Variants in FAT3 observed in about 807,000 individuals in gnomAD.
FAT3 encodes the protein FAT atypical cadherin 3.
In FAT3, 95 loss-of-function variants were observed where a neutral mutation model predicts 310.2. The observed-to-expected ratio is 0.31, with a 90% confidence interval of 0.26 to 0.36. The LOEUF (loss-of-function observed/expected upper bound fraction) is 0.36, where lower values mean the gene tolerates loss of function less well. FAT3 is among the 10% of genes least tolerant of loss of function. FAT3 has a pLI of 1.00. For synonymous variants in FAT3, 2,314 were observed against 2,192.9 expected, an observed-to-expected ratio of 1.06 and a Z score of -1.54; for missense variants, 5,408 against 5,715.6, an observed-to-expected ratio of 0.95 and a Z score of 1.74.
intron 2 of FAT3, among the ~76,000 whole-genome samples, chr11:92,482,890 TGCTGTCAGCCAGCAGATTCCA>T (rs1332900107): frequency 1.3e-5 from 2 of 152,218 alleles, no homozygotes; most frequent in Non-Finnish European, 2.9e-5. Flanking sequence ...ATAACACCTT[TGCTGTCAGCCAGCAGATTCCA>T]GCTGACCAGC....
In FAT3 at chr11:92,883,321, C is replaced by T. The variant is rs2136417818; in HGVS notation, c.12865C>T (p.Leu4289Phe). ...GVVVCSVAPNLPAVSPCRSDC... is the reference protein window; with the variant it reads ...GVVVCSVAPNFPAVSPCRSDC... ...GGTCGTGTGCAGTGTGGCCCCCAAC[C>T]TCCCCGCCGTGTCACCCTGCCGCTC... is the stretch of plus-strand genomic sequence containing the variant. The change falls in exon 24 of 28, where the codon CTC becomes TTC. Residue 4289 changes from leucine to phenylalanine, a missense_variant. By Grantham distance (22) the Leu-to-Phe change is conservative. Transcript: ENST00000525166. This position sits in a 1 kb window ranked among gnomAD's most constrained non-coding sequence, Gnocchi z 4.2. 6.2e-7 allele frequency: 1 copy of T among 1,610,754 alleles called. No homozygotes were observed. Among genetic ancestry groups the T allele is most frequent in the Non-Finnish European group, 8.5e-7 (1 of 1,178,628 alleles).
chr11:92,545,931 T>G (rs892994557), intron 3 of FAT3, among the ~76,000 whole-genome samples: 1 of 152,210 alleles, frequency 6.6e-6, no homozygotes, highest in African/African-American at 2.4e-5. Flanking sequence ...GACTGGGCAT[T>G]TCTAAAATTA....
At chr11:92,847,227 A>G (rs1012281903) in intron 19 of FAT3, among the ~76,000 whole-genome samples, 2 of 152,332 alleles carry the variant, frequency 1.3e-5, no homozygotes, top group African/African-American at 4.8e-5. Flanking sequence ...TTATAATACC[A>G]TATTTTTATT....
intron 1 of FAT3, among the ~76,000 whole-genome samples, chr11:92,252,928 C>T (rs1865188403): frequency 6.6e-6 from 1 of 152,162 alleles, no homozygotes; most frequent in African/African-American, 2.4e-5. Context: ...CCATCCTCCC[C>T]TCCTGCCCTC....
At chr11:92,491,127 C>A (rs1021202382) in intron 2 of FAT3, among the ~76,000 whole-genome samples, 1 of 152,078 alleles carries the variant, frequency 6.6e-6, no homozygotes, top group African/African-American at 2.4e-5. Context: ...TAGGAAGGAC[C>A]TTTAATGATT....
rs561428689 is a variant in FAT3, at chr11:92,799,144, G to A, written c.6131G>A (p.Arg2044His). The A allele has an allele frequency of 3.0e-5, 49 of 1,613,922 alleles. No individual in the cohort carries two copies. Among genetic ancestry groups the A allele is most frequent in the South Asian group, 8.8e-5 (8 of 91,078 alleles). ...VIQTTGVPFD[R>H]EEQELYELVV... Reference sequence around the variant, plus strand: ...CAGACGACTGGAGTCCCCTTTGACCGTGAAGAACAAGAGTTATATGAGCTG... The same window carrying A: ...CAGACGACTGGAGTCCCCTTTGACCATGAAGAACAAGAGTTATATGAGCTG... Residue 2044 changes from arginine (R) to histidine (H), a missense_variant, in exon 10 of 28, where the codon CGT becomes CAT. Transcript: ENST00000525166.
intron 1 of FAT3, among the ~76,000 whole-genome samples, chr11:92,232,086 C>A (rs1030358955): frequency 6.6e-6 from 1 of 152,110 alleles, no homozygotes; most frequent in African/African-American, 2.4e-5. Context: ...TTATGTGATT[C>A]ATGTGGTACC....
At chr11:92,295,671 T>C (rs961553595) in intron 1 of FAT3, among the ~76,000 whole-genome samples, 8 of 152,120 alleles carry the variant, frequency 5.3e-5, no homozygotes, top group Non-Finnish European at 1.2e-4. Context: ...TGTTCTCTTC[T>C]TAAGGGAATG....
rs775101268 is a variant in FAT3, at chr11:92,765,126, T to C, written c.4195+37T>C. On this transcript the variant is annotated intron_variant, in intron 6 of 27. Transcript: ENST00000525166. ...TCTTACAGAGCAGTATCATGCAATG[T>C]AATAATTGACTGAAGCAACTAGGAA... 4.6e-5 allele frequency: 66 copies of C among 1,421,896 alleles called. 1 individual carries two copies. In the South Asian group the frequency reaches 9.3e-4, roughly 20 times the overall value. The allele number at this position is 1,421,896 out of a possible 1,614,324, so 88.1% of individuals were successfully genotyped here. A position where few individuals can be genotyped will look rare whatever the true frequency, so the allele number is the denominator to read the frequency against.
intron 2 of FAT3, among the ~76,000 whole-genome samples, chr11:92,441,302 T>C (rs1356628637): frequency 6.6e-6 from 1 of 152,220 alleles, no homozygotes; most frequent in Non-Finnish European, 1.5e-5. Context: ...CAGCAGGAAT[T>C]ATATCCATTT....
intron 2 of FAT3, among the ~76,000 whole-genome samples, chr11:92,409,374 A>T (rs1471237863): frequency 2.0e-5 from 3 of 152,142 alleles, no homozygotes. Flanking sequence ...AAAAGATGTC[A>T]TCCTGTGTCG....
intron 8 of FAT3, among the ~76,000 whole-genome samples, chr11:92,792,351 G>A (rs1302924594): frequency 2.0e-5 from 3 of 152,158 alleles, no homozygotes; most frequent in Admixed American, 1.3e-4. Context: ...GAGTGAAAAT[G>A]CCTACATTGT....
At chr11:92,757,451 A>G (rs11020048) in intron 4 of FAT3, among the ~76,000 whole-genome samples, 48,645 of 151,994 alleles carry the variant, frequency 0.32, 8,091 homozygotes, top group African/African-American at 0.34. Flanking sequence ...GAAATGATGC[A>G]GAAGAGGAGA....
intron 25 of FAT3, 53 bp from the exon 26 acceptor site, chr11:92,889,136 A>G (rs1449339509): frequency 2.9e-6 from 2 of 684,000 alleles, no homozygotes; most frequent in East Asian, 2.7e-5. Context: ...AAAATATACA[A>G]CTAACCTGAA....
At position 92,352,781 on chromosome 11, in the gene FAT3, A is replaced by C. The variant is rs760338846; in HGVS notation, c.669A>C (p.Glu223Asp). The C allele has an allele frequency of 2.5e-6, 4 of 1,613,762 alleles. No individual in the cohort carries two copies. Among genetic ancestry groups the C allele is most frequent in the Non-Finnish European group, 3.4e-6 (4 of 1,179,892 alleles). ...ISLSGRLNYD[E>D]KNRYDLEILA... ...TAAGTGGTCGATTAAATTATGATGA[A>C]AAGAATAGGTATGATCTGGAAATTT... is the stretch of plus-strand genomic sequence containing the variant. Residue 223 changes from glutamate to aspartate, a missense_variant, in exon 2 of 28, where the codon GAA (glutamate) becomes GAC (aspartate). Glu to Asp is a conservative substitution (Grantham distance 45). Coordinates refer to ENST00000525166, the MANE Select transcript of FAT3 (RefSeq NM_001367949.2).
chr11:92,798,810 G>A lies in FAT3; in HGVS notation c.5797G>A (p.Asp1933Asn), dbSNP rs369657649. 2.0e-5 allele frequency: 32 copies of A among 1,613,618 alleles called. No individual in the cohort carries two copies. In the African/African-American group the frequency reaches 3.5e-4, roughly 18 times the overall value. ...MEGSLDHFLI[D>N]SNSGVLTIKN... Reference sequence around the variant, plus strand: ...AGGCAGTTTGGATCATTTTTTAATTGACTCAAACAGTGGAGTACTTACCAT... The same window carrying A: ...AGGCAGTTTGGATCATTTTTTAATTAACTCAAACAGTGGAGTACTTACCAT... The change falls in exon 10 of 28, where the codon GAC becomes AAC. Residue 1933 changes from aspartate to asparagine, a missense_variant. This residue lies in a region of FAT3 where 4,588 missense variants were observed against 4,809.8 expected (regional missense o/e 0.95). Transcript: ENST00000525166.
intron 3 of FAT3, among the ~76,000 whole-genome samples, chr11:92,608,238 T>A (rs1178318413): frequency 6.6e-6 from 1 of 152,208 alleles, no homozygotes; most frequent in Non-Finnish European, 1.5e-5. Flanking sequence ...ATTAATTTAA[T>A]GCATTTTATT....
intron 2 of FAT3, among the ~76,000 whole-genome samples, chr11:92,365,805 G>A (rs1350338922): frequency 6.6e-6 from 1 of 152,158 alleles, no homozygotes; most frequent in Non-Finnish European, 1.5e-5. Flanking sequence ...CCCCTCATAG[G>A]TCAAGGAGCT....
At chr11:92,331,668 G>A (rs533877332) in intron 1 of FAT3, among the ~76,000 whole-genome samples, 3 of 152,264 alleles carry the variant, frequency 2.0e-5, no homozygotes, top group African/African-American at 4.8e-5. Context: ...CTTTGTGAAT[G>A]TCCTAACACA....
Sources: gnomAD v4.1 joint callset for allele counts (sites outside exome capture counted in the v4.1 genomes callset) on GRCh38, gnomAD v4.1.1 for gene constraint, gnomAD v4.1.1 regional missense constraint, Gnocchi (gnomAD v3.1) non-coding constraint, MANE v1.5 for transcripts, NCBI Gene and HGNC (gene_info 2026-07-23, HGNC 2026-07-21) for gene names.